Variants in ITGA2B observed in about 807,000 individuals in gnomAD.
The protein encoded by ITGA2B is integrin alpha-IIb.
A neutral mutation model predicts 142.0 loss-of-function variants in ITGA2B; 91 were observed. The ratio of observed to expected loss-of-function variants is 0.64; its 90% confidence interval spans 0.54 to 0.76. The LOEUF is 0.76. Among genes scored for constraint, ITGA2B ranks in the 30% least tolerant of loss-of-function variants. The pLI is 0.00. For synonymous variants in ITGA2B, 536 were observed against 567.2 expected, an observed-to-expected ratio of 0.94 and a Z score of 0.78; for missense variants, 1,231 against 1,350.8, an observed-to-expected ratio of 0.91 and a Z score of 1.39.
In ITGA2B at chr17:44,383,606, C is replaced by T. The variant is rs764585011; in HGVS notation, c.1097G>A (p.Arg366Gln). Reference sequence around the variant, plus strand: ...GGGGGCACCCAGCGCGTGGGGGCCTCGCGGCTGCAGGAACAAATACACACG... The same window carrying T: ...GGGGGCACCCAGCGCGTGGGGGCCTTGCGGCTGCAGGAACAAATACACACG... Reference protein sequence around the residue: ...VGRVYLFLQPRGPHALGAPSL... With the variant: ...VGRVYLFLQPQGPHALGAPSL... The change falls in exon 12 of 30, where the codon CGA (arginine) becomes CAA (glutamine). Residue 366 changes from arginine to glutamine, a missense_variant. Physicochemically the swap from Arg to Gln is conservative, Grantham distance 43. Transcript: ENST00000262407. 10 of 1,609,032 alleles carry T rather than the reference C, an allele frequency of 6.2e-6. No individual in the cohort carries two copies. The highest frequency in any genetic ancestry group is 1.1e-5 in the South Asian group (1 of 89,970).
Position 44,376,149 on chromosome 17 carries a change from T to C in ITGA2B, c.2384A>G (p.Glu795Gly). 1.2e-6 allele frequency: 2 copies of C among 1,614,166 alleles called. No homozygotes were observed. Among genetic ancestry groups the C allele is most frequent in the Admixed American group, 1.7e-5 (1 of 60,020 alleles). Residue 795 changes from glutamate (E) to glycine (G), a missense_variant, in exon 24 of 30, where the codon GAA (glutamate) becomes GGA (glycine). Physicochemically the swap from Glu to Gly is moderately conservative, Grantham distance 98 (BLOSUM62 -2). Around this residue, in one of 3 missense-constraint regions of ITGA2B, gnomAD observed 908 missense variants for 1,021.1 expected, o/e 0.89. Coordinates refer to ENST00000262407, the MANE Select transcript of ITGA2B (RefSeq NM_000419.5). ...GCTGTTCTGCTCCCTCTCACCTTCT[T>C]CTGCTGCCACCACCAGGGAGGCTGG... The part of the protein sequence containing the change: ...SFPASLVVAA[E>G]EGEREQNSLD...
In ITGA2B at chr17:44,375,977, G is replaced by A. The variant is rs551964273; in HGVS notation, c.2457C>T (p.Asn819=). 1.2e-6 allele frequency: 2 copies of A among 1,614,154 alleles called. No homozygotes were observed. Among genetic ancestry groups the A allele is most frequent in the East Asian group, 4.5e-5 (2 of 44,868 alleles). ...GACCATTCACAGTCCCAGGGCCATT[G>A]TTGTGGAGCTGAAGGGGTGGTGGTG... ...PKVEHTYELH[N]NGPGTVNGLH... is the part of the protein sequence containing the mutation. Residue 819 remains asparagine (N), a synonymous_variant, in exon 25 of 30, where the codon AAC becomes AAT. Transcript: ENST00000262407.
At chr17:44,381,365 T>C (rs1055692700) in intron 12 of ITGA2B, among the ~76,000 whole-genome samples, 35 of 152,208 alleles carry the variant, frequency 2.3e-4, no homozygotes, top group Admixed American at 2.0e-3. Flanking sequence ...AGTCTCGCTC[T>C]GTTGTCCTGG....
chr17:44,380,804 C>T (rs767727921), intron 13 of ITGA2B, 75 bp downstream of exon 13: 20 of 1,598,964 alleles, frequency 1.3e-5, no homozygotes, highest in South Asian at 9.9e-5. Context: ...AGCCCCTGGC[C>T]GTGTCTCTTG....
Position 44,384,244 on chromosome 17 carries a change from C to T in ITGA2B, c.891+67G>A. The T allele has an allele frequency of 1.9e-6, 3 of 1,601,232 alleles. No homozygotes were observed. In the South Asian group the frequency reaches 3.3e-5, roughly 18 times the overall value. ...GGAGGCGGGGCGGGGGTGGGGGGCG[C>T]TCAGGAGTTGTCAGCCTGAGAACTG... On this transcript the variant is annotated intron_variant, in intron 9 of 29. Coordinates refer to ENST00000262407, the MANE Select transcript of ITGA2B (RefSeq NM_000419.5).
Position 44,385,720 on chromosome 17 carries a change from G to C in ITGA2B, c.409-4C>G. 8 of 1,613,578 alleles carry C rather than the reference G, an allele frequency of 5.0e-6. No homozygotes were observed. The highest frequency in any genetic ancestry group is 6.8e-6 in the Non-Finnish European group (8 of 1,180,002). On this transcript the variant is annotated splice_region_variant and splice_polypyrimidine_tract_variant and intron_variant, in intron 3 of 29. Transcript: ENST00000262407. ...AGTGCTGCCAGGGGGCGCAGGCCTG[G>C]AGAAAGGCCACAGGAGTGGGGACGG...
chr17:44,375,746 G>A, intron 25 of ITGA2B, 30 bp from the exon 26 acceptor site: 1 of 1,559,484 alleles, frequency 6.4e-7, no homozygotes. Flanking sequence ...GTCAGGCCCA[G>A]GTCTCCCCCG....
chr17:44,379,557 T>G (rs1017308809), intron 18 of ITGA2B, 132 bp downstream of exon 18: 9 of 1,415,948 alleles, frequency 6.4e-6, no homozygotes, highest in African/African-American at 2.8e-5. Context: ...ACTGGCTGGA[T>G]TTTGAGGTTT....
In ITGA2B at chr17:44,383,685, C is replaced by T. The variant is rs766456501; in HGVS notation, c.1018G>A (p.Gly340Ser). 3.8e-6 allele frequency: 6 copies of T among 1,582,032 alleles called. No individual in the cohort carries two copies. In the South Asian group the frequency reaches 6.9e-5, roughly 18 times the overall value. Residue 340 changes from glycine to serine, a missense_variant, in exon 12 of 30, where the codon GGC becomes AGC. Physicochemically the swap from Gly to Ser is moderately conservative, Grantham distance 56 (BLOSUM62 0). Around this residue, in one of 3 missense-constraint regions of ITGA2B, gnomAD observed 908 missense variants for 1,021.1 expected, o/e 0.89. Transcript: ENST00000262407. Reference protein sequence around the residue: ...NGDGRHDLLVGAPLYMESRAD... With the variant: ...NGDGRHDLLVSAPLYMESRAD... ...CGGCTCTCCATATACAGTGGAGCGC[C>T]CACCAGCAGATCATGCCTCCTGTGG...
rs764369526 is a variant in ITGA2B at position 44,379,739 on chromosome 17, C to G, written c.1828G>C (p.Gly610Arg). 1 of 1,613,994 alleles carries G rather than the reference C, an allele frequency of 6.2e-7. No individual in the cohort carries two copies. The highest frequency in any genetic ancestry group is 1.7e-5 in the Admixed American group (1 of 60,022). Residue 610 changes from glycine to arginine, a missense_variant, in exon 18 of 30, where the codon GGA (glycine) becomes CGA (arginine). By Grantham distance (125) the Gly-to-Arg change is moderately radical. This residue lies in a region of ITGA2B where 908 missense variants were observed against 1,021.1 expected (regional missense o/e 0.89). Transcript: ENST00000262407. The stretch of plus-strand genomic sequence containing the variant: ...TGCAGCACGACAGCAGGGGCCATTC[C>G]AGCCTCCGTGGGCGGTAGGGACACA... ...LNVSLPPTEA[G>R]MAPAVVLHGD...
chr17:44,385,708 G>A lies in ITGA2B; in HGVS notation c.417C>T (p.Ala139=). Residue 139 remains alanine (A), a synonymous_variant, in exon 4 of 30, where the codon GCC becomes GCT. Transcript: ENST00000262407. ...CTAGGACGTTCCAGTGCTGCCAGGG[G>A]GCGCAGGCCTGGAGAAAGGCCACAG... is the stretch of plus-strand genomic sequence containing the variant. ...VSWSDVIVAC[A]PWQHWNVLEK... is the part of the protein sequence containing the mutation. 6.2e-7 allele frequency: 1 copy of A among 1,613,684 alleles called. No homozygotes were observed. The highest frequency in any genetic ancestry group is 8.5e-7 in the Non-Finnish European group (1 of 1,180,006).
Position 44,375,595 on chromosome 17 carries a change from A to G in ITGA2B, c.2723T>C (p.Leu908Pro). The stretch of plus-strand genomic sequence containing the variant: ...GAGACCAGAGAGCCTGCTCACTACG[A>G]GAACTGGATCCTGAAGCCTCGAGGG... ...EQPSRLQDPV[L>P]VSCDSAPCTV... Residue 908 changes from leucine (L) to proline (P), a missense_variant, in exon 26 of 30, where the codon CTC becomes CCC. Transcript: ENST00000262407. 4 of 1,614,000 alleles carry G rather than the reference A, an allele frequency of 2.5e-6. No homozygotes were observed. The highest frequency in any genetic ancestry group is 3.4e-6 in the Non-Finnish European group (4 of 1,179,978).
rs767813209 is a variant in ITGA2B at position 44,385,593 on chromosome 17, G to T, written c.532C>A (p.Arg178Ser). 3 of 1,609,994 alleles carry T rather than the reference G, an allele frequency of 1.9e-6. No homozygotes were observed. The highest frequency in any genetic ancestry group is 1.7e-6 in the Non-Finnish European group (2 of 1,179,114). Residue 178 changes from arginine (R) to serine (S), a missense_variant, in exon 4 of 30, where the codon CGC becomes AGC. Around this residue, in one of 3 missense-constraint regions of ITGA2B, gnomAD observed 318 missense variants for 312.2 expected, o/e 1.02. Coordinates refer to ENST00000262407, the MANE Select transcript of ITGA2B (RefSeq NM_000419.5). ...SGRRAEYSPC[R>S]GNTLSRIYVE... ...TAAATGCGGCTCAGGGTGTTCCCGC[G>T]ACAGGGGGAGTACTCGGCGCGGCGG...
intron 29 of ITGA2B, among the ~76,000 whole-genome samples, chr17:44,373,710 A>G (rs1227911255): frequency 6.6e-6 from 1 of 152,198 alleles, no homozygotes; most frequent in Non-Finnish European, 1.5e-5. Context: ...GAGACCAGCC[A>G]GGAATTCCTG....
In ITGA2B at chr17:44,384,555, C is replaced by T; in HGVS notation, c.830G>A (p.Gly277Glu). 6.2e-7 allele frequency: 1 copy of T among 1,614,054 alleles called. No individual in the cohort carries two copies. Among genetic ancestry groups the T allele is most frequent in the Non-Finnish European group, 8.5e-7 (1 of 1,180,026 alleles). ...TTTCTTGCCTGTAGTGTTGAGATCC[C>T]CGTCGAACTCGCCCACGGCCACCGA... ...GYSVAVGEFD[G>E]DLNTTEYVVG... Residue 277 changes from glycine (G) to glutamate (E), a missense_variant, in exon 8 of 30, where the codon GGG becomes GAG. Physicochemically the swap from Gly to Glu is moderately conservative, Grantham distance 98 (BLOSUM62 -2). Transcript: ENST00000262407.
At chr17:44,379,052 T>C (rs1202535080) in intron 18 of ITGA2B, among the ~76,000 whole-genome samples, 1 of 151,658 alleles carries the variant, frequency 6.6e-6, no homozygotes, top group African/African-American at 2.4e-5. Flanking sequence ...GTTCACGCCA[T>C]TCTCCTGCCT....
At chr17:44,385,465 A>T (rs1598382879) in intron 4 of ITGA2B, 86 bp downstream of exon 4, 18 of 1,459,470 alleles carry the variant, frequency 1.2e-5, no homozygotes, top group Non-Finnish European at 1.5e-5. Context: ...ATCCAAAGCA[A>T]GGGCTGCGGC....
intron 29 of ITGA2B, among the ~76,000 whole-genome samples, chr17:44,373,124 C>T (rs750250677): frequency 3.0e-4 from 46 of 151,650 alleles, no homozygotes; most frequent in Non-Finnish European, 3.8e-4. Flanking sequence ...TGATCCACCG[C>T]GCCTGGTCCC....
chr17:44,388,957 G>T (rs541205026), intron 1 of ITGA2B, among the ~76,000 whole-genome samples: 2 of 151,894 alleles, frequency 1.3e-5, no homozygotes, highest in East Asian at 3.9e-4. Context: ...GAGCCACCGC[G>T]CCCGGCCTCC....
Sources: gnomAD v4.1 joint callset for allele counts (sites outside exome capture counted in the v4.1 genomes callset) on GRCh38, gnomAD v4.1.1 for gene constraint, gnomAD v4.1.1 regional missense constraint, MANE v1.5 for transcripts, NCBI Gene and HGNC (gene_info 2026-07-23, HGNC 2026-07-21) for gene names.